The following CLIP2 variants were observed in gnomAD, a reference collection of about 807,000 sequenced individuals.
CLIP2 encodes CAP-Gly domain containing linker protein 2, also known as CAP-Gly domain-containing linker protein 2.
A neutral mutation model predicts 111.7 loss-of-function variants in CLIP2; 41 were observed. The observed-to-expected ratio is 0.37, with a 90% confidence interval of 0.29 to 0.48. CLIP2 has a LOEUF of 0.48. CLIP2 is among the 20% of genes least tolerant of loss of function. CLIP2 has a pLI of 0.99. For missense variants in CLIP2, 1,160 were observed against 1,422.1 expected (o/e 0.82, Z 2.96); for synonymous variants, 660 against 644.2 (o/e 1.02, Z -0.37).
chr7:74,332,819 A>G (rs1554731541), intron 2 of CLIP2, among the ~76,000 whole-genome samples: 2 of 150,946 alleles, frequency 1.3e-5, no homozygotes, highest in African/African-American at 2.4e-5. Flanking sequence ...TGGCATCCCC[A>G]CTCCACCCCC....
At chr7:74,314,877 C>A (rs1372515194) in intron 1 of CLIP2, among the ~76,000 whole-genome samples, 3 of 152,242 alleles carry the variant, frequency 2.0e-5, no homozygotes, top group Non-Finnish European at 2.9e-5. Flanking sequence ...TTGCTGCCCC[C>A]TGACCCCCTA....
chr7:74,308,790 A>G (rs1788563235), intron 1 of CLIP2, among the ~76,000 whole-genome samples: 1 of 151,776 alleles, frequency 6.6e-6, no homozygotes. Flanking sequence ...GGCTGTTTAT[A>G]TATCTTCTTT....
chr7:74,387,923 C>T (rs1040395730), intron 12 of CLIP2, among the ~76,000 whole-genome samples: 8 of 152,176 alleles, frequency 5.3e-5, no homozygotes, highest in Non-Finnish European at 1.2e-4. Flanking sequence ...GAGCGATGCT[C>T]ATGCCTATAA....
At chr7:74,369,077 G>A (rs1444659624) in intron 8 of CLIP2, among the ~76,000 whole-genome samples, 1 of 152,198 alleles carries the variant, frequency 6.6e-6, no homozygotes, top group Admixed American at 6.5e-5. Flanking sequence ...CTGGCTGGAT[G>A]TGGTGGCTCA....
intron 11 of CLIP2, chr7:74,381,656 G>A (rs781981468): frequency 2.2e-6 from 1 of 455,122 alleles, no homozygotes; most frequent in South Asian, 1.6e-5. Context: ...TGACACAAAT[G>A]GTACCATATC....
At chr7:74,395,317 G>A (rs921696227) in intron 13 of CLIP2, among the ~76,000 whole-genome samples, 3 of 151,842 alleles carry the variant, frequency 2.0e-5, no homozygotes, top group Non-Finnish European at 2.9e-5. Context: ...GCACTACCAC[G>A]CCCAGCTAAT....
At chr7:74,372,838 CTCTT>C (rs1213517061) in intron 8 of CLIP2, 90 bp from the exon 9 acceptor site, 25 of 660,774 alleles carry the variant, frequency 3.8e-5, no homozygotes, top group African/African-American at 7.3e-5. Flanking sequence ...CTCTCTCTCT[CTCTT>C]TCTCTCTCTC....
intron 16 of CLIP2, among the ~76,000 whole-genome samples, chr7:74,403,432 G>A (rs1402235810): frequency 6.6e-6 from 1 of 152,042 alleles, no homozygotes; most frequent in Admixed American, 6.6e-5. Context: ...AGCTGGGCAT[G>A]GTGGCGCATG....
intron 1 of CLIP2, among the ~76,000 whole-genome samples, chr7:74,298,356 G>GTTTTTT (rs35535113): frequency 4.6e-5 from 5 of 109,624 alleles, no homozygotes; most frequent in African/African-American, 6.6e-5. Context: ...CTGCTAATTG[G>GTTTTTT]TTTTTTTTTT....
chr7:74,298,280 G>T (rs1394195731), intron 1 of CLIP2, among the ~76,000 whole-genome samples: 2 of 151,918 alleles, frequency 1.3e-5, no homozygotes, highest in African/African-American at 4.8e-5. Flanking sequence ...CCACCTTCTG[G>T]GTTCAAGCAA....
intron 3 of CLIP2, among the ~76,000 whole-genome samples, chr7:74,353,230 A>G (rs1224234888): frequency 2.0e-5 from 3 of 151,322 alleles, no homozygotes; most frequent in East Asian, 3.9e-4. Flanking sequence ...CCGTATATAC[A>G]GTACTTAATT....
At chr7:74,362,176 ACTCTGGCCGACTT>A (rs1790346851) in intron 7 of CLIP2, among the ~76,000 whole-genome samples, 1 of 151,256 alleles carries the variant, frequency 6.6e-6, no homozygotes, top group Non-Finnish European at 1.5e-5. Flanking sequence ...GGCGGTGGGG[ACTCTGGCCGACTT>A]GGTCCTGGGT....
chr7:74,331,544 CTTTT>C, intron 2 of CLIP2, among the ~76,000 whole-genome samples: 1 of 135,942 alleles, frequency 7.4e-6, no homozygotes, highest in African/African-American at 2.7e-5. Context: ...TTTTCGTTTT[CTTTT>C]TCTTTCTTTC....
chr7:74,390,136 G>GAGAAAA (rs1791234890), intron 13 of CLIP2, among the ~76,000 whole-genome samples: 1 of 85,374 alleles, frequency 1.2e-5, no homozygotes, highest in African/African-American at 5.6e-5. Context: ...GAGAGAGAGA[G>GAGAAAA]AAAGAAAGAA....
Position 74,405,917 on chromosome 7 carries a change from G to A in CLIP2, c.*2069G>A, listed in dbSNP as rs1356891957. On this transcript the variant is annotated 3_prime_UTR_variant, in exon 17 of 17. Transcript: ENST00000223398. ...GCGAGTCTGTGCTCGGGACAATAAA[G>A]CTTGTGACAGGTCCAGGACCCCGGC... 1 of 152,404 alleles carries A rather than the reference G, an allele frequency of 6.6e-6. No homozygotes were observed. Among genetic ancestry groups the A allele is most frequent in the Middle Eastern group, 3.2e-3 (1 of 316 alleles). 9.4% of individuals were successfully genotyped at this position (152,404 alleles called of 1,614,324 possible). A position where few individuals can be genotyped will look rare whatever the true frequency, so the allele number is the denominator to read the frequency against.
At chr7:74,362,565 T>A (rs1790364113) in intron 7 of CLIP2, among the ~76,000 whole-genome samples, 1 of 141,556 alleles carries the variant, frequency 7.1e-6, no homozygotes, top group South Asian at 2.2e-4. Flanking sequence ...AGACAGAGTC[T>A]CGCTCTGTCA....
intron 1 of CLIP2, among the ~76,000 whole-genome samples, chr7:74,306,844 T>A (rs1554727822): frequency 6.6e-6 from 1 of 152,142 alleles, no homozygotes; most frequent in African/African-American, 2.4e-5. Flanking sequence ...TTACAGGTAA[T>A]GAAACTGAGG....
chr7:74,362,877 G>A (rs1401967522), intron 7 of CLIP2, among the ~76,000 whole-genome samples: 1 of 152,028 alleles, frequency 6.6e-6, no homozygotes, highest in Non-Finnish European at 1.5e-5. Context: ...AAGGGGCCTG[G>A]GTGCAAGTCT....
chr7:74,335,316 T>G (rs1279952325), intron 2 of CLIP2, among the ~76,000 whole-genome samples: 1 of 148,616 alleles, frequency 6.7e-6, no homozygotes, highest in African/African-American at 2.4e-5. Context: ...GAGCATGCAG[T>G]TGGCACTTCA....
Sources: allele counts gnomAD v4.1 joint callset (sites outside exome capture counted in the v4.1 genomes callset), GRCh38; gene constraint gnomAD v4.1.1; transcripts MANE v1.5; gene names NCBI Gene and HGNC (gene_info 2026-07-23, HGNC 2026-07-21).